The following OR1J2 variants were observed in gnomAD, a reference collection of about 807,000 sequenced individuals.
The protein encoded by OR1J2 is olfactory receptor family 1 subfamily J member 2, also known as olfactory receptor 1J2.
For synonymous variants in OR1J2, 142 were observed against 99.7 expected, an observed-to-expected ratio of 1.42 and a Z score of -2.52; for missense variants, 304 against 246.1, an observed-to-expected ratio of 1.24 and a Z score of -1.57.
At chr9:122,557,782 T>A in the OR1J2 span, among the ~76,000 whole-genome samples, 1 of 152,032 alleles carries the variant, frequency 6.6e-6, no homozygotes, top group Admixed American at 6.5e-5. Context: ...TTGCAGAGAA[T>A]TGGCATACAT....
chr9:122,517,846 A>C, the OR1J2 span, among the ~76,000 whole-genome samples: 4 of 151,956 alleles, frequency 2.6e-5, no homozygotes, highest in African/African-American at 9.7e-5. Flanking sequence ...GGCATTCGTT[A>C]GCTCTTTTTC....
the OR1J2 span, among the ~76,000 whole-genome samples, chr9:122,556,242 T>C: frequency 0.29 from 44,094 of 151,812 alleles, 6,971 homozygotes; most frequent in Non-Finnish European, 0.36. Context: ...TTTCATTGTA[T>C]GCAATATTCA....
the OR1J2 span, chr9:122,567,676 C>T: frequency 6.8e-6 from 11 of 1,613,904 alleles, no homozygotes; most frequent in South Asian, 3.3e-5. Flanking sequence ...TCCTTGACAG[C>T]GTAGGTGGAT....
At chr9:122,569,786 G>A in the OR1J2 span, among the ~76,000 whole-genome samples, 3 of 151,880 alleles carry the variant, frequency 2.0e-5, no homozygotes, top group East Asian at 1.9e-4. Flanking sequence ...CCATTAACTC[G>A]TCATTTAGCA....
chr9:122,488,075 G>A, the OR1J2 span, among the ~76,000 whole-genome samples: 2 of 152,010 alleles, frequency 1.3e-5, no homozygotes, highest in African/African-American at 4.8e-5. Flanking sequence ...CTTCCATGTT[G>A]CCTCCCTTAT....
At chr9:122,462,635 G>A in the OR1J2 span, among the ~76,000 whole-genome samples, 1 of 152,136 alleles carries the variant, frequency 6.6e-6, no homozygotes. Context: ...AATTCTCTTA[G>A]CATTTGTTTG....
At chr9:122,471,176 G>C in the OR1J2 span, among the ~76,000 whole-genome samples, 5 of 152,186 alleles carry the variant, frequency 3.3e-5, no homozygotes, top group African/African-American at 1.2e-4. Context: ...ATCTCAACTT[G>C]AATTGTATCT....
At chr9:122,575,101 A>G in the OR1J2 span, among the ~76,000 whole-genome samples, 4 of 152,206 alleles carry the variant, frequency 2.6e-5, no homozygotes, top group South Asian at 8.3e-4. Context: ...TCAATTTGCA[A>G]ACATTTTGTT....
the OR1J2 span, among the ~76,000 whole-genome samples, chr9:122,486,526 G>T: frequency 0.033 from 5,040 of 152,262 alleles, 246 homozygotes; most frequent in African/African-American, 0.11. Context: ...ATAGTTTCAA[G>T]ATTTGTGCCA....
At chr9:122,577,010 T>C in the OR1J2 span, 1 of 152,186 alleles carries the variant, frequency 6.6e-6, no homozygotes, top group Non-Finnish European at 1.5e-5. Flanking sequence ...GTAACTCTGA[T>C]GTATAATTGG....
At chr9:122,528,554 T>A in the OR1J2 span, among the ~76,000 whole-genome samples, 2 of 152,154 alleles carry the variant, frequency 1.3e-5, no homozygotes, top group Non-Finnish European at 2.9e-5. Context: ...GCCGAGATCA[T>A]GCCATTGCAC....
At chr9:122,451,407 A>G in the OR1J2 span, among the ~76,000 whole-genome samples, 2 of 152,110 alleles carry the variant, frequency 1.3e-5, no homozygotes, top group East Asian at 3.9e-4. Context: ...CTGGTCTCCA[A>G]TTCCCAACCT....
upstream of OR1J2, among the ~76,000 whole-genome samples, chr9:122,510,272 T>C (rs1274743262): frequency 3.3e-5 from 5 of 152,232 alleles, no homozygotes; most frequent in Non-Finnish European, 2.9e-5. Flanking sequence ...CTTGGAATAC[T>C]CGCCACATTA....
chr9:122,540,094 T>G, the OR1J2 span, among the ~76,000 whole-genome samples: 1 of 152,084 alleles, frequency 6.6e-6, no homozygotes, highest in African/African-American at 2.4e-5. Context: ...TAGTTTCTTT[T>G]GCTGTGCAGA....
the OR1J2 span, among the ~76,000 whole-genome samples, chr9:122,504,403 C>G: frequency 6.6e-6 from 1 of 152,204 alleles, no homozygotes; most frequent in African/African-American, 2.4e-5. Flanking sequence ...TCTGAACCAG[C>G]TGCAGAATCT....
At chr9:122,454,863 A>G in the OR1J2 span, among the ~76,000 whole-genome samples, 10 of 152,242 alleles carry the variant, frequency 6.6e-5, no homozygotes, top group African/African-American at 2.4e-4. Context: ...CTTTAACTTT[A>G]GGTTTCTTTT....
At chr9:122,454,376 G>T in the OR1J2 span, among the ~76,000 whole-genome samples, 1 of 152,086 alleles carries the variant, frequency 6.6e-6, no homozygotes, top group South Asian at 2.1e-4. Flanking sequence ...AAATTAGTCA[G>T]GTGCGGTGGC....
At chr9:122,567,676 C>A in the OR1J2 span, 1 of 1,614,022 alleles carries the variant, frequency 6.2e-7, no homozygotes, top group Non-Finnish European at 8.5e-7. Flanking sequence ...TCCTTGACAG[C>A]GTAGGTGGAT....
the OR1J2 span, among the ~76,000 whole-genome samples, chr9:122,484,717 GA>G: frequency 4.0e-5 from 6 of 151,012 alleles, no homozygotes; most frequent in African/African-American, 1.5e-4. Flanking sequence ...AAGAGAAAAA[GA>G]AAAAAAAAGT....
Sources: gnomAD v4.1 joint callset for allele counts (sites outside exome capture counted in the v4.1 genomes callset) on GRCh38, gnomAD v4.1.1 for gene constraint, MANE v1.5 for transcripts, NCBI Gene and HGNC (gene_info 2026-07-23, HGNC 2026-07-21) for gene names.